The following KDM4C variants were observed in gnomAD, a reference collection of about 807,000 sequenced individuals.
KDM4C encodes the protein lysine-specific demethylase 4C.
A neutral mutation model predicts 129.3 loss-of-function variants in KDM4C; 81 were observed. The observed-to-expected ratio is 0.63, with a 90% CI of 0.52 to 0.75. The LOEUF is 0.75. Among genes scored for constraint, KDM4C ranks in the 30% least tolerant of loss-of-function variants. The probability of loss-of-function intolerance (pLI) is 0.00; values close to 1 mark genes in which losing one functional copy is unlikely to be tolerated. For missense variants in KDM4C, 1,457 were observed against 1,304.0 expected (o/e 1.12, Z -1.81); for synonymous variants, 573 against 456.1 (o/e 1.26, Z -3.26).
intron 17 of KDM4C, among the ~76,000 whole-genome samples, chr9:7,062,229 A>G (rs186128632): frequency 2.0e-5 from 3 of 152,140 alleles, no homozygotes; most frequent in African/African-American, 7.2e-5. Flanking sequence ...TGGCCTCCCA[A>G]AGTGCTGGGA....
intron 3 of KDM4C, among the ~76,000 whole-genome samples, chr9:6,814,175 A>T (rs957347987): frequency 1.8e-4 from 28 of 152,174 alleles, no homozygotes; most frequent in African/African-American, 6.5e-4. Context: ...CCATTAATAT[A>T]TTCAGCATTT....
At chr9:7,115,252 T>C (rs1488394179) in intron 18 of KDM4C, among the ~76,000 whole-genome samples, 1 of 152,220 alleles carries the variant, frequency 6.6e-6, no homozygotes, top group Admixed American at 6.5e-5. Context: ...TCATGCAAAA[T>C]GCTTGCTTGC....
chr9:6,998,903 C>T (rs1018592642), intron 12 of KDM4C, among the ~76,000 whole-genome samples: 1 of 152,174 alleles, frequency 6.6e-6, no homozygotes, highest in African/African-American at 2.4e-5. Flanking sequence ...AGGACTAGAG[C>T]TGCCCACTGA....
rs546005829 is a variant in KDM4C at position 6,831,898 on chromosome 9, A to G, written c.435+17153A>G. On this transcript the variant is annotated intron_variant, in intron 4 of 21. Transcript: ENST00000381309. Reference sequence around the variant, plus strand: ...CTGGAAATGCAGTTTTCATTCAGCTATATTGCTCTTTCAATTAAATGAGGT... The same window carrying G: ...CTGGAAATGCAGTTTTCATTCAGCTGTATTGCTCTTTCAATTAAATGAGGT... 9.8e-5 allele frequency among the ~76,000 whole-genome samples: 15 copies of G among 152,298 alleles called. No individual in the cohort carries two copies. The East Asian group carries it at 1.9e-3, about 20-fold the overall frequency.
At chr9:7,025,717 A>T (rs981123804) in intron 15 of KDM4C, among the ~76,000 whole-genome samples, 1 of 152,110 alleles carries the variant, frequency 6.6e-6, no homozygotes. Flanking sequence ...TATAATTTCT[A>T]TGTCTTGAAA....
chr9:6,884,282 G>A (rs541264239), intron 6 of KDM4C, among the ~76,000 whole-genome samples: 4 of 152,154 alleles, frequency 2.6e-5, no homozygotes, highest in Non-Finnish European at 4.4e-5. Context: ...TGCCTCTCAT[G>A]TCAACCTCTC....
intron 8 of KDM4C, among the ~76,000 whole-genome samples, chr9:6,980,438 C>G (rs1746116326): frequency 6.6e-6 from 1 of 151,992 alleles, no homozygotes; most frequent in Non-Finnish European, 1.5e-5. Context: ...TTTGGGTTAC[C>G]TTATGAGAGT....
At chr9:6,957,949 C>T (rs148471626) in intron 8 of KDM4C, among the ~76,000 whole-genome samples, 107 of 152,174 alleles carry the variant, frequency 7.0e-4, no homozygotes, top group African/African-American at 2.0e-3. Context: ...CTGTAGAATC[C>T]GTGTTTGAGG....
chr9:7,069,641 A>G (rs115439246), intron 17 of KDM4C, among the ~76,000 whole-genome samples: 1 of 152,384 alleles, frequency 6.6e-6, no homozygotes, highest in Non-Finnish European at 1.5e-5. Context: ...TAATTATAGT[A>G]TAATATTAAA....
chr9:7,033,657 C>T (rs1362628132), intron 15 of KDM4C, among the ~76,000 whole-genome samples: 1 of 152,170 alleles, frequency 6.6e-6, no homozygotes, highest in Non-Finnish European at 1.5e-5. Flanking sequence ...AATAACACCC[C>T]CCACCTCTGC....
intron 1 of KDM4C, among the ~76,000 whole-genome samples, chr9:6,732,485 C>T (rs965204431): frequency 6.7e-6 from 1 of 149,274 alleles, no homozygotes; most frequent in African/African-American, 2.5e-5. Context: ...CACCTGAGGT[C>T]AGGAGTTGGA....
In KDM4C at chr9:6,847,498, C is replaced by G. The variant is rs1045880236; in HGVS notation, c.436-2009C>G. Among the ~76,000 whole-genome samples, 4 of 151,982 alleles carry G rather than the reference C, an allele frequency of 2.6e-5. No individual in the cohort carries two copies. The South Asian group carries it at 8.3e-4, about 31-fold the overall frequency. On this transcript the variant is annotated intron_variant, in intron 4 of 21. Coordinates refer to ENST00000381309, the MANE Select transcript of KDM4C (RefSeq NM_015061.6). ...ACTGCAAACACCTCCCGGGGCCGTT[C>G]TCCTGCCTCAGCCTCCCGAGTGGCT...
intron 1 of KDM4C, among the ~76,000 whole-genome samples, chr9:6,775,255 G>A (rs779877229): frequency 1.3e-5 from 2 of 152,060 alleles, no homozygotes; most frequent in Non-Finnish European, 1.5e-5. Context: ...CACCTCAAGT[G>A]ATCAGCCTGC....
chr9:7,005,429 C>G (rs1267860352), intron 12 of KDM4C, among the ~76,000 whole-genome samples: 1 of 100,134 alleles, frequency 1.0e-5, no homozygotes, highest in Non-Finnish European at 2.0e-5. Flanking sequence ...AAGTGAAACT[C>G]TGTCTCAAAA....
intron 18 of KDM4C, among the ~76,000 whole-genome samples, chr9:7,122,631 A>G (rs527465290): frequency 6.6e-6 from 1 of 152,346 alleles, no homozygotes; most frequent in Non-Finnish European, 1.5e-5. Context: ...ATATGGACAT[A>G]TGCTGGAAAC....
At chr9:6,829,147 C>T (rs1320026674) in intron 4 of KDM4C, among the ~76,000 whole-genome samples, 1 of 152,188 alleles carries the variant, frequency 6.6e-6, no homozygotes, top group Non-Finnish European at 1.5e-5. Flanking sequence ...ATAAACAACA[C>T]ACACTATACA....
intron 9 of KDM4C, among the ~76,000 whole-genome samples, chr9:6,983,052 T>G (rs1013604006): frequency 6.6e-6 from 1 of 152,200 alleles, no homozygotes; most frequent in Non-Finnish European, 1.5e-5. Flanking sequence ...CTACACTGTT[T>G]ATAATGTTGA....
intron 5 of KDM4C, among the ~76,000 whole-genome samples, chr9:6,857,520 G>A (rs1417470997): frequency 6.6e-6 from 1 of 152,098 alleles, no homozygotes; most frequent in African/African-American, 2.4e-5. Context: ...GTGGACCACT[G>A]CTCAGCACAG....
At chr9:6,808,066 T>C in intron 3 of KDM4C, among the ~76,000 whole-genome samples, 1 of 81,890 alleles carries the variant, frequency 1.2e-5, no homozygotes, top group African/African-American at 6.6e-5. Flanking sequence ...CCGCCCCTGC[T>C]GGGAAGTGAG....
Sources: gnomAD v4.1 joint callset for allele counts (sites outside exome capture counted in the v4.1 genomes callset) on GRCh38, gnomAD v4.1.1 for gene constraint, MANE v1.5 for transcripts, NCBI Gene and HGNC (gene_info 2026-07-23, HGNC 2026-07-21) for gene names.